The following VRK2 variants were observed in gnomAD, a reference collection of about 807,000 sequenced individuals.
VRK2 encodes serine/threonine-protein kinase VRK2.
VRK2 carries 60 observed loss-of-function variants against 57.6 expected under a neutral mutation model. That is an observed-to-expected ratio of 1.04 (90% CI 0.85 to 1.29). VRK2 has a LOEUF of 1.29. VRK2 is among the 50% of genes most tolerant of loss of function. The pLI, the probability that VRK2 is intolerant of heterozygous loss-of-function variation, is 0.00. For synonymous variants in VRK2, 231 were observed against 199.2 expected, an observed-to-expected ratio of 1.16 and a Z score of -1.35; for missense variants, 705 against 588.1, an observed-to-expected ratio of 1.20 and a Z score of -2.06.
rs1488940703 is a variant in VRK2, at chr2:57,996,850, G to A, written c.-438-28815G>A. Among the ~76,000 whole-genome samples, 15 of 151,926 alleles carry A rather than the reference G, an allele frequency of 9.9e-5. 1 individual carries two copies. Among genetic ancestry groups the A allele is most frequent in the Admixed American group, 9.8e-4 (15 of 15,256 alleles). ...CTCTAGATTATTTATAATACCTAATGAAATGTAAATGCTATATAAATAGTT... is the reference window on the plus strand; with the variant it reads ...CTCTAGATTATTTATAATACCTAATAAAATGTAAATGCTATATAAATAGTT... On this transcript the variant is annotated intron_variant, in intron 1 of 15. Transcript: ENST00000417641.
intron 1 of VRK2, among the ~76,000 whole-genome samples, chr2:57,927,369 C>T (rs1397511168): frequency 4.0e-5 from 6 of 151,086 alleles, no homozygotes; most frequent in Admixed American, 6.6e-5. Context: ...CTTTGCCTCT[C>T]GGGTTGAAGA....
At chr2:58,037,410 C>T (rs1674311231) in intron 3 of VRK2, among the ~76,000 whole-genome samples, 1 of 151,948 alleles carries the variant, frequency 6.6e-6, no homozygotes, top group East Asian at 1.9e-4. Context: ...AACTGAAAGA[C>T]CTTAGAATCT....
intron 1 of VRK2, among the ~76,000 whole-genome samples, chr2:57,920,690 G>C (rs572612476): frequency 6.6e-6 from 1 of 152,178 alleles, no homozygotes; most frequent in African/African-American, 2.4e-5. Flanking sequence ...GACACAGTTA[G>C]TGACCTTCTC....
At chr2:57,948,101 T>C (rs924402747) in intron 1 of VRK2, among the ~76,000 whole-genome samples, 2 of 152,182 alleles carry the variant, frequency 1.3e-5, no homozygotes, top group African/African-American at 2.4e-5. Context: ...ATATCATTTA[T>C]GCAAGGATGT....
intron 1 of VRK2, among the ~76,000 whole-genome samples, chr2:58,001,471 T>C (rs1338904859): frequency 1.3e-5 from 2 of 152,220 alleles, no homozygotes; most frequent in African/African-American, 2.4e-5. Context: ...CTTTGTTTCA[T>C]GTAAGAATTA....
chr2:57,998,517 C>A (rs1248304850), intron 1 of VRK2, among the ~76,000 whole-genome samples: 1 of 152,024 alleles, frequency 6.6e-6, no homozygotes, highest in East Asian at 1.9e-4. Context: ...TGGAAAACAG[C>A]CTAAAACATA....
At chr2:58,120,536 A>G (rs1439584003) in intron 7 of VRK2, among the ~76,000 whole-genome samples, 1 of 152,046 alleles carries the variant, frequency 6.6e-6, no homozygotes, top group Admixed American at 6.6e-5. Flanking sequence ...CTGCCCTTCA[A>G]GGTTTGAGCA....
chr2:57,963,205 G>A (rs937768136), intron 1 of VRK2, among the ~76,000 whole-genome samples: 2 of 152,108 alleles, frequency 1.3e-5, no homozygotes, highest in Non-Finnish European at 2.9e-5. Context: ...ATTTTATATA[G>A]CCACCATTCA....
intron 1 of VRK2, among the ~76,000 whole-genome samples, chr2:58,020,512 A>C (rs1673722677): frequency 1.3e-5 from 2 of 152,216 alleles, no homozygotes; most frequent in Admixed American, 6.5e-5. Flanking sequence ...GCTAAGATAT[A>C]CTGTTAAGTG....
At chr2:58,047,878 A>G (rs939466783) in intron 1 of VRK2, among the ~76,000 whole-genome samples, 2 of 152,234 alleles carry the variant, frequency 1.3e-5, no homozygotes, top group Non-Finnish European at 2.9e-5. Flanking sequence ...TCTTTTATGG[A>G]AGCTAGGAAG....
rs148879565 is a variant in VRK2 at position 57,977,879 on chromosome 2, T to C, written c.-438-47786T>C. Among the ~76,000 whole-genome samples, 264 of 151,250 alleles carry C rather than the reference T, an allele frequency of 1.7e-3. 16 individuals are homozygous for C. Among genetic ancestry groups the C allele is most frequent in the African/African-American group, 6.3e-3 (254 of 40,584 alleles). On this transcript the variant is annotated intron_variant, in intron 1 of 15. Transcript: ENST00000417641. ...TTGTCAGAGATGGCTCTTATCATTT[T>C]GAGTCATGTCCCTTCAATGACTAGT...
intron 12 of VRK2, among the ~76,000 whole-genome samples, chr2:58,152,966 TTAGA>T (rs758098704): frequency 2.3e-4 from 35 of 152,092 alleles, no homozygotes; most frequent in Non-Finnish European, 1.6e-4. Flanking sequence ...TCTGTGTTCC[TTAGA>T]TATTTTATAA....
Position 58,067,185 on chromosome 2 carries a change from C to T in VRK2, c.137-16904C>T, listed in dbSNP as rs141686846. On this transcript the variant is annotated intron_variant, in intron 2 of 12. Transcript: ENST00000340157. ...ACACCAGTGGTTTTTCAGGGGCTCT[C>T]GGGCCTTCAGCCACAGATTGAAGGC... is the stretch of plus-strand genomic sequence containing the variant. 4.7e-3 allele frequency among the ~76,000 whole-genome samples: 713 copies of T among 152,256 alleles called. 4 individuals carry two copies. Among genetic ancestry groups the T allele is most frequent in the South Asian group, 0.029 (140 of 4,826 alleles).
At chr2:57,940,970 G>A (rs1671075902) in intron 1 of VRK2, among the ~76,000 whole-genome samples, 1 of 151,796 alleles carries the variant, frequency 6.6e-6, no homozygotes, top group Non-Finnish European at 1.5e-5. Flanking sequence ...AGATCTTAGA[G>A]AGTAACACAA....
intron 7 of VRK2, among the ~76,000 whole-genome samples, chr2:58,101,431 T>A (rs1179195560): frequency 1.3e-5 from 2 of 151,750 alleles, no homozygotes; most frequent in African/African-American, 4.8e-5. Context: ...TTCACTATAT[T>A]ATCAGAATGT....
At chr2:58,080,448 G>C (rs561377874) in intron 2 of VRK2, among the ~76,000 whole-genome samples, 46 of 151,890 alleles carry the variant, frequency 3.0e-4, no homozygotes, top group African/African-American at 1.0e-3. Flanking sequence ...TTATGGGACT[G>C]TATTAAAATC....
intron 1 of VRK2, among the ~76,000 whole-genome samples, chr2:58,013,530 A>G (rs922487926): frequency 1.3e-5 from 2 of 152,224 alleles, no homozygotes; most frequent in African/African-American, 4.8e-5. Flanking sequence ...AATAAGTAAT[A>G]ATAAATTGCT....
rs570253304 is a variant in VRK2 at position 58,116,229 on chromosome 2, G to T, written c.544-6872G>T. Among the ~76,000 whole-genome samples, 3 of 152,164 alleles carry T rather than the reference G, an allele frequency of 2.0e-5. No individual in the cohort carries two copies. In the South Asian group the frequency reaches 6.2e-4, roughly 32 times the overall value. On this transcript the variant is annotated intron_variant, in intron 7 of 12. Transcript: ENST00000340157. ...GATGGTAAGGGGTGCGTGATCGGTC[G>T]CCAAGGAGGGAGTAGAGGTATCTTA... is the stretch of plus-strand genomic sequence containing the variant.
chr2:58,041,547 C>A (rs2103722590), intron 3 of VRK2, among the ~76,000 whole-genome samples: 1 of 152,192 alleles, frequency 6.6e-6, no homozygotes, highest in African/African-American at 2.4e-5. Context: ...ATGACAGATA[C>A]CAGGCCCTGA....
Sources: gnomAD v4.1 joint callset for allele counts (sites outside exome capture counted in the v4.1 genomes callset) on GRCh38, gnomAD v4.1.1 for gene constraint, MANE v1.5 for transcripts, NCBI Gene and HGNC (gene_info 2026-07-23, HGNC 2026-07-21) for gene names.